Variants in PDE6B observed in about 807,000 individuals in gnomAD.
The protein encoded by PDE6B is rod cGMP-specific 3',5'-cyclic phosphodiesterase subunit beta.
A neutral mutation model predicts 109.0 loss-of-function variants in PDE6B; 106 were observed. The observed-to-expected ratio is 0.97, with a 90% confidence interval of 0.83 to 1.14. The LOEUF is 1.14. PDE6B is among the 50% of genes most tolerant of loss of function. PDE6B has a pLI of 0.00. For missense variants in PDE6B, 1,193 were observed against 1,155.6 expected (o/e 1.03, Z -0.47); for synonymous variants, 490 against 471.3 (o/e 1.04, Z -0.51).
In PDE6B at chr4:665,456, A is replaced by C; in HGVS notation, c.2268+127A>C. The C allele has an allele frequency of 1.4e-6, 1 of 719,326 alleles. No individual in the cohort carries two copies. Among genetic ancestry groups the C allele is most frequent in the Non-Finnish European group, 2.6e-6 (1 of 390,682 alleles). 44.6% of individuals were successfully genotyped at this position (719,326 alleles called of 1,614,324 possible). On this transcript the variant is annotated intron_variant, in intron 19 of 21. Transcript: ENST00000496514. The surrounding 1 kb of genome is among the most constrained non-coding windows in gnomAD (Gnocchi z 4.0). Reference sequence around the variant, plus strand: ...TCTGAGGTCGTGGGGTCCTTATCTCACTTTGTGGGATCATGTGACATGCGT... The same window carrying C: ...TCTGAGGTCGTGGGGTCCTTATCTCCCTTTGTGGGATCATGTGACATGCGT...
Position 648,520 on chromosome 4 carries a change from T to TC in PDE6B, c.712-5326dup, listed in dbSNP as rs1735321577. On this transcript the variant is annotated intron_variant, in intron 3 of 21. Coordinates refer to ENST00000496514, the MANE Select transcript of PDE6B (RefSeq NM_000283.4). The surrounding 1 kb of genome is among the most constrained non-coding windows in gnomAD (Gnocchi z 4.5). ...TGGGATTGAAGCAGCCTCTGGGCGC[T>TC]CCCCCCTCCCTCTGTCCCGGGCCCT... Among the ~76,000 whole-genome samples, 1 of 151,820 alleles carries TC rather than the reference T, an allele frequency of 6.6e-6. No homozygotes were observed. Among genetic ancestry groups the TC allele is most frequent in the African/African-American group, 2.4e-5 (1 of 41,318 alleles).
chr4:634,693 C>A lies in PDE6B; in HGVS notation c.485C>A (p.Ser162Ter). Residue 162 changes from serine to a stop codon, truncating the protein, a stop_gained, in exon 2 of 22, where the codon TCA becomes TAA. Transcript: ENST00000496514. LOFTEE classifies it high-confidence loss of function. ...EDVAECPHFS[S>*]FADELTDYKT... ...TTGCGGCAGTGCCCTCACTTCAGCT[C>A]ATTTGCTGACGAGCTCACTGACTAC... The A allele has an allele frequency of 6.2e-7, 1 of 1,612,826 alleles. No homozygotes were observed. The highest frequency in any genetic ancestry group is 1.1e-5 in the South Asian group (1 of 91,054).
chr4:663,846 C>T lies in PDE6B; in HGVS notation c.1997C>T (p.Ala666Val). Residue 666 changes from alanine to valine, a missense_variant, in exon 16 of 22, where the codon GCC (alanine) becomes GTC (valine). Physicochemically the swap from Ala to Val is moderately conservative, Grantham distance 64 (BLOSUM62 0). Transcript: ENST00000496514. The surrounding 1 kb of genome is among the most constrained non-coding windows in gnomAD (Gnocchi z 4.0). ...VIHLMDIAIIATDLALYFKKR... is the reference protein window; with the variant it reads ...VIHLMDIAIIVTDLALYFKKR... Reference sequence around the variant, plus strand: ...CACCTGATGGACATCGCCATCATCGCCACGGACCTGGCCCTGTACTTCAAG... The same window carrying T: ...CACCTGATGGACATCGCCATCATCGTCACGGACCTGGCCCTGTACTTCAAG... 6.2e-7 allele frequency: 1 copy of T among 1,611,940 alleles called. No homozygotes were observed. Among genetic ancestry groups the T allele is most frequent in the Non-Finnish European group, 8.5e-7 (1 of 1,179,064 alleles).
chr4:665,357 T>G lies in PDE6B; in HGVS notation c.2268+28T>G, dbSNP rs369765487. 3.7e-5 allele frequency: 56 copies of G among 1,525,174 alleles called. No individual in the cohort carries two copies. The Middle Eastern group carries it at 5.1e-4, about 14-fold the overall frequency. 94.5% of individuals were successfully genotyped at this position (1,525,174 alleles called of 1,614,324 possible). A position where few individuals can be genotyped will look rare whatever the true frequency, so the allele number is the denominator to read the frequency against. On this transcript the variant is annotated intron_variant, in intron 19 of 21. Coordinates refer to ENST00000496514, the MANE Select transcript of PDE6B (RefSeq NM_000283.4). This position sits in a 1 kb window ranked among gnomAD's most constrained non-coding sequence, Gnocchi z 4.0. Reference sequence around the variant, plus strand: ...GAGTGCTGCTTCTGGAACCTTCCACTCCTGAAACGGGTGTTAGAGACCCCT... The same window carrying G: ...GAGTGCTGCTTCTGGAACCTTCCACGCCTGAAACGGGTGTTAGAGACCCCT...
chr4:655,028 C>T lies in PDE6B; in HGVS notation c.992+140C>T, dbSNP rs541768308. 161 of 704,948 alleles carry T rather than the reference C, an allele frequency of 2.3e-4. 3 individuals are homozygous for T. In the South Asian group the frequency reaches 2.3e-3, roughly 10 times the overall value. 43.7% of individuals were successfully genotyped at this position (704,948 alleles called of 1,614,324 possible). A position where few individuals can be genotyped will look rare whatever the true frequency, so the allele number is the denominator to read the frequency against. ...GCCTGGCCTGGCCCCACCTGTGGTG[C>T]TCTGTGTGCCGTGGGGCATAGTGGA... On this transcript the variant is annotated intron_variant, in intron 6 of 21. Coordinates refer to ENST00000496514, the MANE Select transcript of PDE6B (RefSeq NM_000283.4).
Position 660,559 on chromosome 4 carries a change from C to T in PDE6B, c.1560C>T (p.Gly520=). The change falls in exon 12 of 22, where the codon GGC becomes GGT. Residue 520 remains glycine (G), a synonymous_variant. Transcript: ENST00000496514. The stretch of plus-strand genomic sequence containing the variant: ...CCGAACTGGACCTGGTCAAATGTGG[C>T]ATCCAGATGTACTACGAGCTGGGCG... ...ECTELDLVKC[G]IQMYYELGVV... The T allele has an allele frequency of 6.2e-7, 1 of 1,613,740 alleles. No individual in the cohort carries two copies.
At chr4:653,534 G>A (rs191125832) in intron 3 of PDE6B, 23 of 491,084 alleles carry the variant, frequency 4.7e-5, no homozygotes, top group Admixed American at 2.4e-4. Context: ...GCAGCCGGGC[G>A]GAGGAAGGGC....
In PDE6B at chr4:665,132, G is replaced by A. The variant is rs1737640679; in HGVS notation, c.2194-123G>A. The A allele has an allele frequency of 1.2e-6, 1 of 847,058 alleles. No individual in the cohort carries two copies. The highest frequency in any genetic ancestry group is 1.4e-5 in the South Asian group (1 of 72,148). 52.5% of individuals were successfully genotyped at this position (847,058 alleles called of 1,614,324 possible). On this transcript the variant is annotated intron_variant, in intron 18 of 21. Transcript: ENST00000496514. The surrounding 1 kb of genome is among the most constrained non-coding windows in gnomAD (Gnocchi z 4.0). ...GTCTACATGGCTCAACCGGAGCCCTGTGTGGTGGGGACCCCGGGGGTCTGG... is the reference window on the plus strand; with the variant it reads ...GTCTACATGGCTCAACCGGAGCCCTATGTGGTGGGGACCCCGGGGGTCTGG...
intron 3 of PDE6B, among the ~76,000 whole-genome samples, chr4:638,372 G>T (rs1694505999): frequency 6.6e-6 from 1 of 151,922 alleles, no homozygotes; most frequent in African/African-American, 2.4e-5. Context: ...CATTCAGGTG[G>T]AGTGCAATAG....
In PDE6B at chr4:663,447, C is replaced by T. The variant is rs1032805075; in HGVS notation, c.1920+260C>T. Among the ~76,000 whole-genome samples, 1 of 152,160 alleles carries T rather than the reference C, an allele frequency of 6.6e-6. No homozygotes were observed. The highest frequency in any genetic ancestry group is 2.4e-5 in the African/African-American group (1 of 41,442). On this transcript the variant is annotated intron_variant, in intron 15 of 21. Transcript: ENST00000496514. The surrounding 1 kb of genome is among the most constrained non-coding windows in gnomAD (Gnocchi z 4.0). Reference sequence around the variant, plus strand: ...GGTGGAAGCCGAAGGGGAAGCGGCCCGGGACCCACCAGCGGGGGAATGAAG... The same window carrying T: ...GGTGGAAGCCGAAGGGGAAGCGGCCTGGGACCCACCAGCGGGGGAATGAAG...
intron 9 of PDE6B, 44 bp from the exon 10 acceptor site, chr4:657,307 G>A (rs528218535): frequency 5.0e-6 from 8 of 1,610,078 alleles, no homozygotes; most frequent in African/African-American, 2.7e-5. Context: ...GGGAGGGGGC[G>A]CGCCGGGAGC....
At position 663,990 on chromosome 4, in the gene PDE6B, C is replaced by A; in HGVS notation, c.2021+120C>A. 1 of 1,089,026 alleles carries A rather than the reference C, an allele frequency of 9.2e-7. No homozygotes were observed. Among genetic ancestry groups the A allele is most frequent in the Non-Finnish European group, 1.4e-6 (1 of 715,520 alleles). The allele number at this position is 1,089,026 out of a possible 1,614,324, so 67.5% of individuals were successfully genotyped here. A position where few individuals can be genotyped will look rare whatever the true frequency, so the allele number is the denominator to read the frequency against. On this transcript the variant is annotated intron_variant, in intron 16 of 21. Transcript: ENST00000496514. This position sits in a 1 kb window ranked among gnomAD's most constrained non-coding sequence, Gnocchi z 4.0. Reference sequence around the variant, plus strand: ...GACGCAGCCCCGGATTCCGTCCCTGCCCGCCGGCCCCGCGCACCCCGGATG... The same window carrying A: ...GACGCAGCCCCGGATTCCGTCCCTGACCGCCGGCCCCGCGCACCCCGGATG...
chr4:632,471 C>G (rs192099138), intron 1 of PDE6B, among the ~76,000 whole-genome samples: 1 of 139,608 alleles, frequency 7.2e-6, no homozygotes, highest in Non-Finnish European at 1.6e-5. Flanking sequence ...TGTGGATCTG[C>G]GTGGCAGCAT....
chr4:629,295 C>T (rs927560548), intron 1 of PDE6B, among the ~76,000 whole-genome samples: 1 of 152,244 alleles, frequency 6.6e-6, no homozygotes, highest in Non-Finnish European at 1.5e-5. Context: ...CCAGCCCCCC[C>T]ATCACCCCTT....
At chr4:647,723 G>A (rs1701654858) in intron 3 of PDE6B, among the ~76,000 whole-genome samples, 3 of 151,968 alleles carry the variant, frequency 2.0e-5, no homozygotes, top group South Asian at 4.2e-4. Context: ...CATGGGGGGA[G>A]GGGCACGCAA....
chr4:635,826 G>A (rs1358107606), intron 2 of PDE6B, 54 bp from the exon 3 acceptor site: 3 of 923,574 alleles, frequency 3.2e-6, no homozygotes, highest in Non-Finnish European at 5.5e-6. Context: ...ACCCACGGGG[G>A]CACATGTCTG....
intron 7 of PDE6B, 54 bp from the exon 8 acceptor site, chr4:656,191 C>A: frequency 7.6e-7 from 1 of 1,310,846 alleles, no homozygotes; most frequent in African/African-American, 1.4e-5. Context: ...CATTTTAGAT[C>A]ATAACAGACC....
At chr4:659,596 TGTGTGTGC>T (rs1226483093) in intron 11 of PDE6B, among the ~76,000 whole-genome samples, 1 of 145,720 alleles carries the variant, frequency 6.9e-6, no homozygotes, top group Admixed American at 6.7e-5. Flanking sequence ...CATGTGGGTA[TGTGTGTGC>T]GTGTGTGCAT....
chr4:632,335 A>T (rs1734426843), intron 1 of PDE6B, among the ~76,000 whole-genome samples: 1 of 150,300 alleles, frequency 6.7e-6, no homozygotes, highest in Non-Finnish European at 1.5e-5. Context: ...ATGCCATCTG[A>T]GGATCACATG....
Sources: allele counts gnomAD v4.1 joint callset (sites outside exome capture counted in the v4.1 genomes callset), GRCh38; gene constraint gnomAD v4.1.1; non-coding constraint Gnocchi (gnomAD v3.1); transcripts MANE v1.5; gene names NCBI Gene and HGNC (gene_info 2026-07-23, HGNC 2026-07-21).